The following SDK1 variants were observed in gnomAD, a reference collection of about 807,000 sequenced individuals.
SDK1 encodes protein sidekick-1.
Under a neutral mutation model 245.5 loss-of-function variants are expected in SDK1, and 157 were observed. The ratio of observed to expected loss-of-function variants is 0.64; its 90% CI spans 0.56 to 0.73. The LOEUF is 0.73. Among genes scored for constraint, SDK1 ranks in the 30% least tolerant of loss-of-function variants. The pLI, the probability that SDK1 is intolerant of heterozygous loss-of-function variation, is 0.00. For missense variants in SDK1, 3,583 were observed against 3,002.3 expected (o/e 1.19, Z -4.52); for synonymous variants, 1,647 against 1,278.5 (o/e 1.29, Z -6.15).
chr7:4,235,320 C>T lies in SDK1; in HGVS notation c.5992+1901C>T, dbSNP rs1013490772. ...CTGAGATTACAAGCATGTGCCACCA[C>T]GCCCGGCTAATTTTTGTATTTTTAG... On this transcript the variant is annotated intron_variant, in intron 41 of 44. Coordinates refer to ENST00000404826, the MANE Select transcript of SDK1 (RefSeq NM_152744.4). Among the ~76,000 whole-genome samples, 9 of 152,264 alleles carry T rather than the reference C, an allele frequency of 5.9e-5. No individual in the cohort carries two copies. In the East Asian group the frequency reaches 1.2e-3, roughly 20 times the overall value.
At chr7:3,878,121 T>C (rs1333806969) in intron 5 of SDK1, among the ~76,000 whole-genome samples, 1 of 152,246 alleles carries the variant, frequency 6.6e-6, no homozygotes, top group African/African-American at 2.4e-5. Context: ...ATAAAACATT[T>C]TTATAGTCTT....
intron 5 of SDK1, among the ~76,000 whole-genome samples, chr7:3,867,078 T>A (rs1476694660): frequency 6.6e-6 from 1 of 152,164 alleles, no homozygotes; most frequent in African/African-American, 2.4e-5. Flanking sequence ...CCCGTGCTAA[T>A]GGAAAAGCCG....
intron 1 of SDK1, among the ~76,000 whole-genome samples, chr7:3,325,292 C>T (rs943134575): frequency 1.3e-5 from 2 of 152,036 alleles, no homozygotes; most frequent in Admixed American, 1.3e-4. Flanking sequence ...GTAATCCTAA[C>T]CTTTAATATA....
At chr7:3,903,705 G>C (rs1295571782) in intron 5 of SDK1, among the ~76,000 whole-genome samples, 3 of 152,148 alleles carry the variant, frequency 2.0e-5, no homozygotes, top group Non-Finnish European at 4.4e-5. Flanking sequence ...ATACTGCTAT[G>C]TGGTATGTGA....
rs1160264441 is a variant in SDK1, at chr7:4,216,123, C to T, written c.5540-3986C>T. 2.0e-5 allele frequency among the ~76,000 whole-genome samples: 3 copies of T among 152,172 alleles called. No homozygotes were observed. In the East Asian group the frequency reaches 5.8e-4, roughly 29 times the overall value. On this transcript the variant is annotated intron_variant, in intron 38 of 44. Transcript: ENST00000404826. ...CTGCAGGCATTTCTGAGTGTCTTGG[C>T]CTCCTGAGGCTGGGGAAGGGAGGAC...
rs58559430 is a variant in SDK1 at position 4,067,358 on chromosome 7, T to C, written c.2912-480T>C. Among the ~76,000 whole-genome samples the C allele has an allele frequency of 7.9e-3, 1,207 of 152,248 alleles. 18 individuals are homozygous for C. Among genetic ancestry groups the C allele is most frequent in the African/African-American group, 0.028 (1,159 of 41,550 alleles). Reference sequence around the variant, plus strand: ...CCTCTGGAATCCTTCAGGATACCGATTGGGTTTGGAGCCTGGAGTTCTGGA... The same window carrying C: ...CCTCTGGAATCCTTCAGGATACCGACTGGGTTTGGAGCCTGGAGTTCTGGA... On this transcript the variant is annotated intron_variant, in intron 19 of 44. Transcript: ENST00000404826.
chr7:3,628,918 A>G lies in SDK1; in HGVS notation c.458+9679A>G, dbSNP rs1297421726. On this transcript the variant is annotated intron_variant, in intron 2 of 44. Coordinates refer to ENST00000404826, the MANE Select transcript of SDK1 (RefSeq NM_152744.4). ...GAGAAGGAAAACCCAGGCAGAACCT[A>G]GAGGACCTTCTGAGTTGAAGAGAGC... 8.5e-5 allele frequency among the ~76,000 whole-genome samples: 13 copies of G among 152,116 alleles called. 1 individual carries two copies. The highest frequency in any genetic ancestry group is 4.1e-4 in the South Asian group (2 of 4,822).
At chr7:4,194,296 ATGTGTATACATG>A (rs1783422314) in intron 35 of SDK1, among the ~76,000 whole-genome samples, 3 of 100,384 alleles carry the variant, frequency 3.0e-5, no homozygotes, top group Non-Finnish European at 4.4e-5. Context: ...GTATGCACGT[ATGTGTATACATG>A]TATACATATA....
intron 1 of SDK1, among the ~76,000 whole-genome samples, chr7:3,426,535 A>G (rs990879438): frequency 1.3e-5 from 2 of 152,238 alleles, no homozygotes; most frequent in African/African-American, 2.4e-5. Context: ...GCTGATACAT[A>G]GATGTAAAAC....
intron 32 of SDK1, among the ~76,000 whole-genome samples, chr7:4,169,638 G>C (rs1272418660): frequency 6.6e-6 from 1 of 152,210 alleles, no homozygotes; most frequent in Admixed American, 6.5e-5. Context: ...GATGCAATGA[G>C]ACGGCAAGGC....
intron 1 of SDK1, among the ~76,000 whole-genome samples, chr7:3,308,133 G>T (rs1779463271): frequency 6.6e-6 from 1 of 152,050 alleles, no homozygotes; most frequent in Non-Finnish European, 1.5e-5. Context: ...AAAACAAATT[G>T]GTGCCATAAT....
At chr7:3,729,460 C>G (rs974147552) in intron 4 of SDK1, among the ~76,000 whole-genome samples, 1 of 152,136 alleles carries the variant, frequency 6.6e-6, no homozygotes, top group Non-Finnish European at 1.5e-5. Context: ...TGGGTGGGGG[C>G]CACATTTGCC....
rs368504427 is a variant in SDK1, at chr7:4,161,819, C to T, written c.4763C>T (p.Thr1588Met). ...GAGCCCCCGGGATCTGTCTCAGCGA[C>T]GCCACACACCACGTCCTCTGTCCTG... is the stretch of plus-strand genomic sequence containing the variant. Reference protein sequence around the residue: ...PGEPPGSVSATPHTTSSVLIQ... With the variant: ...PGEPPGSVSAMPHTTSSVLIQ... The change falls in exon 32 of 45, where the codon ACG (threonine) becomes ATG (methionine). Residue 1588 changes from threonine (T) to methionine (M), a missense_variant. Transcript: ENST00000404826. 2.7e-5 allele frequency: 44 copies of T among 1,614,144 alleles called. No homozygotes were observed. Among genetic ancestry groups the T allele is most frequent in the South Asian group, 1.9e-4 (17 of 91,082 alleles).
intron 1 of SDK1, among the ~76,000 whole-genome samples, chr7:3,315,552 A>T (rs1779643567): frequency 6.6e-6 from 1 of 152,192 alleles, no homozygotes; most frequent in African/African-American, 2.4e-5. Flanking sequence ...CATATTATAA[A>T]ACAGGTAAGA....
intron 22 of SDK1, among the ~76,000 whole-genome samples, chr7:4,091,858 A>G (rs1315771847): frequency 6.6e-6 from 1 of 152,052 alleles, no homozygotes; most frequent in Admixed American, 6.5e-5. Context: ...TCTCATTCTT[A>G]ATGCCGGAAT....
chr7:3,503,004 A>T (rs550821832), intron 1 of SDK1, among the ~76,000 whole-genome samples: 2 of 152,286 alleles, frequency 1.3e-5, no homozygotes, highest in East Asian at 1.9e-4. Context: ...TACACTGGTG[A>T]TGTTATTAAT....
intron 4 of SDK1, among the ~76,000 whole-genome samples, chr7:3,795,303 A>G (rs1236523517): frequency 6.6e-6 from 1 of 152,096 alleles, no homozygotes; most frequent in African/African-American, 2.4e-5. Flanking sequence ...GTGTCTTGTA[A>G]ATTAATGCCA....
At chr7:3,784,828 A>T (rs928385476) in intron 4 of SDK1, among the ~76,000 whole-genome samples, 2 of 152,242 alleles carry the variant, frequency 1.3e-5, no homozygotes, top group African/African-American at 4.8e-5. Flanking sequence ...TAGAACTGCC[A>T]TATGATCTGG....
intron 1 of SDK1, among the ~76,000 whole-genome samples, chr7:3,573,942 G>T (rs968949594): frequency 1.3e-5 from 2 of 151,902 alleles, no homozygotes; most frequent in South Asian, 4.2e-4. Context: ...AATTCTACAT[G>T]CATTTACTGA....
Sources: allele counts gnomAD v4.1 joint callset (sites outside exome capture counted in the v4.1 genomes callset), GRCh38; gene constraint gnomAD v4.1.1; transcripts MANE v1.5; gene names NCBI Gene and HGNC (gene_info 2026-07-23, HGNC 2026-07-21).